Variants in KIAA1217 observed in about 807,000 individuals in gnomAD.
The protein encoded by KIAA1217 is sickle tail protein homolog.
KIAA1217 carries 88 observed loss-of-function variants against 163.9 expected under a neutral mutation model. The observed-to-expected ratio is 0.54, with a 90% CI of 0.45 to 0.64. KIAA1217 has a LOEUF of 0.64. Among genes scored for constraint, KIAA1217 ranks in the 30% least tolerant of loss-of-function variants. The pLI, the probability that KIAA1217 is intolerant of heterozygous loss-of-function variation, is 0.00. For missense variants in KIAA1217, 2,372 were observed against 2,475.0 expected, an observed-to-expected ratio of 0.96 and a Z score of 0.88; for synonymous variants, 903 against 923.1, an observed-to-expected ratio of 0.98 and a Z score of 0.39.
intron 1 of KIAA1217, among the ~76,000 whole-genome samples, chr10:23,765,457 G>A (rs1834465232): frequency 6.6e-6 from 1 of 152,052 alleles, no homozygotes; most frequent in African/African-American, 2.4e-5. Flanking sequence ...ACAGGTGTGA[G>A]CCACCACGCC....
chr10:24,252,997 TA>T (rs11287032), intron 2 of KIAA1217, among the ~76,000 whole-genome samples: 103,980 of 144,028 alleles, frequency 0.72, 37,262 homozygotes, highest in Admixed American at 0.79. Flanking sequence ...TACAAATAAT[TA>T]AAAAAAAAAA....
At chr10:24,351,122 A>G (rs2048406960) in intron 2 of KIAA1217, among the ~76,000 whole-genome samples, 1 of 151,948 alleles carries the variant, frequency 6.6e-6, no homozygotes, top group African/African-American at 2.4e-5. Context: ...TAATTTTTGT[A>G]TTTTTAGTAG....
At chr10:24,122,855 G>A (rs1203749723) in intron 2 of KIAA1217, among the ~76,000 whole-genome samples, 5 of 151,684 alleles carry the variant, frequency 3.3e-5, no homozygotes, top group African/African-American at 4.8e-5. Context: ...TGGTCATGCC[G>A]ATTTCATTGC....
At chr10:24,539,317 C>G (rs570728698) in intron 17 of KIAA1217, among the ~76,000 whole-genome samples, 132 of 152,218 alleles carry the variant, frequency 8.7e-4, no homozygotes, top group East Asian at 5.4e-3. Context: ...CAACCTCCCC[C>G]TCCCCGGTTC....
intron 1 of KIAA1217, among the ~76,000 whole-genome samples, chr10:23,790,284 C>T (rs202164406): frequency 0.036 from 186 of 5,226 alleles, 85 homozygotes; most frequent in East Asian, 0.24. Flanking sequence ...TATGCATATG[C>T]ACATATGCAT....
chr10:24,158,344 G>T, intron 2 of KIAA1217: 1 of 669,532 alleles, frequency 1.5e-6, no homozygotes, highest in South Asian at 1.4e-5. Context: ...TCACCTTGAT[G>T]ACACTTGGGT....
chr10:24,068,590 C>T (rs1040191043), intron 2 of KIAA1217, among the ~76,000 whole-genome samples: 4 of 152,206 alleles, frequency 2.6e-5, no homozygotes, highest in African/African-American at 9.6e-5. Flanking sequence ...TCTTCATGGA[C>T]AAGACTGCTA....
intron 1 of KIAA1217, among the ~76,000 whole-genome samples, chr10:23,788,648 C>A (rs1799807064): frequency 6.6e-6 from 1 of 152,170 alleles, no homozygotes; most frequent in African/African-American, 2.4e-5. Flanking sequence ...TTTTGATATG[C>A]ATTGTTGAGA....
intron 2 of KIAA1217, among the ~76,000 whole-genome samples, chr10:24,045,446 C>T (rs1296212944): frequency 6.6e-6 from 1 of 152,006 alleles, no homozygotes; most frequent in Non-Finnish European, 1.5e-5. Flanking sequence ...CGTATTTGCT[C>T]TAGTTCTCTC....
At chr10:23,749,824 G>T (rs1564389300) in intron 1 of KIAA1217, among the ~76,000 whole-genome samples, 1 of 152,164 alleles carries the variant, frequency 6.6e-6, no homozygotes, top group African/African-American at 2.4e-5. Flanking sequence ...AGCCTAGCTT[G>T]TGAGGTCCAG....
At chr10:23,753,406 T>G (rs1419133641) in intron 1 of KIAA1217, among the ~76,000 whole-genome samples, 1 of 152,222 alleles carries the variant, frequency 6.6e-6, no homozygotes, top group African/African-American at 2.4e-5. Flanking sequence ...TTTGATTGCT[T>G]CATCTGTACA....
intron 2 of KIAA1217, among the ~76,000 whole-genome samples, chr10:24,166,540 C>G (rs190392598): frequency 6.6e-6 from 1 of 152,026 alleles, no homozygotes; most frequent in Non-Finnish European, 1.5e-5. Context: ...GGGTTCAAGA[C>G]GAGCCTGACC....
At chr10:23,805,996 C>CAAAAAAAAAAAAAAAAAAAAAAAAA (rs71397917) in intron 1 of KIAA1217, among the ~76,000 whole-genome samples, 23 of 30,500 alleles carry the variant, frequency 7.5e-4, no homozygotes, top group East Asian at 3.6e-3. Context: ...AACTCCATCT[C>CAAAAAAAAAAAAAAAAAAAAAAAAA]AAAAAAAAAA....
intron 1 of KIAA1217, among the ~76,000 whole-genome samples, chr10:24,002,116 G>A (rs897420417): frequency 2.0e-5 from 3 of 152,272 alleles, no homozygotes; most frequent in South Asian, 4.1e-4. Context: ...ACAATCTCAC[G>A]GGGCTCTCAG....
At chr10:24,209,011 C>T, upstream of KIAA1217, 1 of 589,500 alleles carries the variant, frequency 1.7e-6, no homozygotes, top group Non-Finnish European at 3.0e-6. Context: ...AGGCCCCGCG[C>T]TGGAATGCAG....
At chr10:24,326,476 C>G (rs1026817225) in intron 2 of KIAA1217, among the ~76,000 whole-genome samples, 1 of 151,880 alleles carries the variant, frequency 6.6e-6, no homozygotes, top group African/African-American at 2.4e-5. Flanking sequence ...ATGACAAAAG[C>G]GCTTTTATAA....
intron 2 of KIAA1217, among the ~76,000 whole-genome samples, chr10:24,080,467 C>G (rs758667766): frequency 3.9e-5 from 6 of 152,212 alleles, no homozygotes; most frequent in Non-Finnish European, 5.9e-5. Flanking sequence ...AATCTTTCCT[C>G]AAGCATTAGG....
Position 24,544,389 on chromosome 10 carries a change from G to C in KIAA1217, c.5119G>C (p.Ala1707Pro), listed in dbSNP as rs774624308. The change falls in exon 19 of 21, where the codon GCC (alanine) becomes CCC (proline). Residue 1707 changes from alanine (A) to proline (P), a missense_variant. By Grantham distance (27) the Ala-to-Pro change is conservative (BLOSUM62 -1). Around this residue, in one of 3 missense-constraint regions of KIAA1217, gnomAD observed 690 missense variants for 677.5 expected, o/e 1.02. Transcript: ENST00000376454. ...TTCTGTTGCAAGTTCATCCCACATA[G>C]CCCAAGAGGCCTCTCCCCGACCCTT... ...RDSVASSSHI[A>P]QEASPRPLLV... is the part of the protein sequence containing the mutation. 1 of 1,614,000 alleles carries C rather than the reference G, an allele frequency of 6.2e-7. No individual in the cohort carries two copies. Among genetic ancestry groups the C allele is most frequent in the Non-Finnish European group, 8.5e-7 (1 of 1,179,998 alleles).
intron 2 of KIAA1217, among the ~76,000 whole-genome samples, chr10:24,303,020 T>C (rs1385660301): frequency 6.6e-6 from 1 of 152,060 alleles, no homozygotes; most frequent in Non-Finnish European, 1.5e-5. Flanking sequence ...TCATTGGCTT[T>C]TTATTTTTCT....
Sources: allele counts gnomAD v4.1 joint callset (sites outside exome capture counted in the v4.1 genomes callset), GRCh38; gene constraint gnomAD v4.1.1; regional missense constraint gnomAD v4.1.1; transcripts MANE v1.5; gene names NCBI Gene and HGNC (gene_info 2026-07-23, HGNC 2026-07-21).